MARCHF6: variants seen among roughly 807,000 people sequenced by gnomAD.
MARCHF6 encodes membrane associated ring-CH-type finger 6.
In MARCHF6, 31 loss-of-function variants were observed where a neutral mutation model predicts 133.7. That is an observed-to-expected ratio of 0.23 (90% CI 0.17 to 0.31). The LOEUF is 0.31. MARCHF6 is among the 10% of genes least tolerant of loss of function. The pLI is 1.00. For missense variants in MARCHF6, 723 were observed against 1,121.6 expected (o/e 0.64, Z 5.08); for synonymous variants, 395 against 402.5 (o/e 0.98, Z 0.22).
At chr5:10,357,272 G>C (rs2126632890) in intron 1 of MARCHF6, among the ~76,000 whole-genome samples, 1 of 147,594 alleles carries the variant, frequency 6.8e-6, no homozygotes, top group East Asian at 2.0e-4. Flanking sequence ...TGTTGCAAGT[G>C]TTGATGTGCA....
At chr5:10,394,335 G>A (rs1193670769) in intron 8 of MARCHF6, among the ~76,000 whole-genome samples, 192 bp downstream of exon 8, 1 of 151,894 alleles carries the variant, frequency 6.6e-6, no homozygotes, top group Admixed American at 6.6e-5. Flanking sequence ...GCTTTTTTTG[G>A]TCTTACAAAA....
At chr5:10,405,740 T>A in intron 16 of MARCHF6, 63 bp downstream of exon 16, 1 of 1,484,314 alleles carries the variant, frequency 6.7e-7, no homozygotes, top group Non-Finnish European at 9.0e-7. Context: ...TAGTTTTGTT[T>A]AGGTTTTTTT....
intron 4 of MARCHF6, among the ~76,000 whole-genome samples, chr5:10,383,924 A>G (rs1468262624): frequency 6.6e-6 from 1 of 152,192 alleles, no homozygotes; most frequent in East Asian, 1.9e-4. Context: ...GATGTTCTAG[A>G]TGTAGGTAGA....
At chr5:10,356,263 GC>G (rs1735452091) in intron 1 of MARCHF6, among the ~76,000 whole-genome samples, 1 of 150,726 alleles carries the variant, frequency 6.6e-6, no homozygotes. Flanking sequence ...TCAAAGTATG[GC>G]CAAACATAAA....
Position 10,377,370 on chromosome 5 carries a change from T to C in MARCHF6, c.20-428T>C, listed in dbSNP as rs147537575. On this transcript the variant is annotated intron_variant, in intron 1 of 25. Transcript: ENST00000274140. ...GCTTGTCTTCTAACTGCTGTTATTG[T>C]GGTGAGTCCTCACATGTGTTTTGTG... Among the ~76,000 whole-genome samples the C allele has an allele frequency of 2.4e-3, 373 of 152,326 alleles. 3 individuals carry two copies. Among genetic ancestry groups the C allele is most frequent in the African/African-American group, 8.4e-3 (351 of 41,576 alleles).
rs180920609 is a variant in MARCHF6, at chr5:10,379,029, G to C, written c.190+197G>C. 1.8e-4 allele frequency among the ~76,000 whole-genome samples: 27 copies of C among 152,014 alleles called. No individual in the cohort carries two copies. In the East Asian group the frequency reaches 1.9e-3, roughly 11 times the overall value. On this transcript the variant is annotated intron_variant, in intron 3 of 25. Transcript: ENST00000274140. ...AAAATATTTTGAAAAACTGTATGCT[G>C]TCTTTTATCACACACATGTTTGAGA...
intron 1 of MARCHF6, among the ~76,000 whole-genome samples, chr5:10,375,314 G>C (rs2126683170): frequency 6.6e-6 from 1 of 152,376 alleles, no homozygotes; most frequent in Admixed American, 6.5e-5. Context: ...AGCGGCTGCA[G>C]AGGGTGTACT....
intron 1 of MARCHF6, among the ~76,000 whole-genome samples, chr5:10,374,356 G>A (rs1219937098): frequency 3.3e-5 from 5 of 152,090 alleles, no homozygotes; most frequent in Admixed American, 1.3e-4. Context: ...ACGTGCTGCC[G>A]GGGTCCATTG....
At chr5:10,370,688 G>GT (rs1736417008) in intron 1 of MARCHF6, among the ~76,000 whole-genome samples, 1 of 146,792 alleles carries the variant, frequency 6.8e-6, no homozygotes, top group South Asian at 2.2e-4. Context: ...TTTTTTTTTA[G>GT]TTTTCTTACT....
chr5:10,434,521 A>T lies in MARCHF6; in HGVS notation c.*837A>T, dbSNP rs1740518193. On this transcript the variant is annotated 3_prime_UTR_variant, in exon 26 of 26. Transcript: ENST00000274140. ...CCCACACCCACATCCTCTCTTTTCC[A>T]CACACAACTATCTGTTTATTTTTTG... 1 of 114,614 alleles carries T rather than the reference A, an allele frequency of 8.7e-6. No individual in the cohort carries two copies. The highest frequency in any genetic ancestry group is 1.6e-5 in the Non-Finnish European group (1 of 61,920). 7.1% of individuals were successfully genotyped at this position (114,614 alleles called of 1,614,324 possible). A position where few individuals can be genotyped will look rare whatever the true frequency, so the allele number is the denominator to read the frequency against.
chr5:10,430,618 T>C (rs960459841), intron 25 of MARCHF6, among the ~76,000 whole-genome samples: 7 of 152,200 alleles, frequency 4.6e-5, no homozygotes, highest in African/African-American at 1.2e-4. Context: ...GATTTTTTAA[T>C]GTCCATTCCA....
At chr5:10,354,694 C>A (rs1368392861) in intron 1 of MARCHF6, 1 of 152,188 alleles carries the variant, frequency 6.6e-6, no homozygotes, top group Non-Finnish European at 1.5e-5. Context: ...TTTTAACCAG[C>A]TGTGTTTTTA....
Position 10,353,928 on chromosome 5 carries a change from G to T in MARCHF6, c.19+11G>T. 1 of 1,551,974 alleles carries T rather than the reference G, an allele frequency of 6.4e-7. No homozygotes were observed. Among genetic ancestry groups the T allele is most frequent in the African/African-American group, 1.4e-5 (1 of 72,268 alleles). ...ACACCGCGGAGGAAGGTAAGTCGGC[G>T]ACGCGCGGCGCCCGAGCCCTTGCGT... On this transcript the variant is annotated intron_variant, in intron 1 of 25. Transcript: ENST00000274140.
intron 22 of MARCHF6, among the ~76,000 whole-genome samples, chr5:10,420,701 A>C (rs1264913377): frequency 6.6e-6 from 1 of 152,180 alleles, no homozygotes; most frequent in Non-Finnish European, 1.5e-5. Context: ...CAAAAGCAAG[A>C]CCCTCTGCAA....
chr5:10,390,111 C>G (rs1034350699), intron 5 of MARCHF6, among the ~76,000 whole-genome samples: 1 of 151,880 alleles, frequency 6.6e-6, no homozygotes, highest in African/African-American at 2.4e-5. Context: ...ATACATAATA[C>G]AAGTATGTAA....
At chr5:10,389,121 A>C (rs897216781) in intron 5 of MARCHF6, among the ~76,000 whole-genome samples, 38 of 152,144 alleles carry the variant, frequency 2.5e-4, no homozygotes, top group African/African-American at 7.7e-4. Flanking sequence ...TGGAGGAAAA[A>C]AGTGATTCCA....
At position 10,419,398 on chromosome 5, in the gene MARCHF6, G is replaced by A. The variant is rs72740445; in HGVS notation, c.2283+1994G>A. Reference sequence around the variant, plus strand: ...ATAGGCTAATGTAAATGTTCCGAGCGCATTGTGATAGGCTGGGCTAAGCTA... The same window carrying A: ...ATAGGCTAATGTAAATGTTCCGAGCACATTGTGATAGGCTGGGCTAAGCTA... On this transcript the variant is annotated intron_variant, in intron 22 of 25. Transcript: ENST00000274140. Among the ~76,000 whole-genome samples, 63 of 152,280 alleles carry A rather than the reference G, an allele frequency of 4.1e-4. No individual in the cohort carries two copies. In the South Asian group the frequency reaches 7.5e-3, roughly 18 times the overall value.
At chr5:10,357,191 C>T (rs1411622379) in intron 1 of MARCHF6, among the ~76,000 whole-genome samples, 3 of 147,072 alleles carry the variant, frequency 2.0e-5, no homozygotes, top group Admixed American at 6.9e-5. Context: ...AGAGAAAAGT[C>T]TATCCTTTGG....
chr5:10,431,979 G>A (rs1307853740), intron 25 of MARCHF6, among the ~76,000 whole-genome samples: 2 of 152,062 alleles, frequency 1.3e-5, no homozygotes, highest in Non-Finnish European at 2.9e-5. Context: ...GGAACAGTGG[G>A]GTAAGGAATG....
Sources: allele counts gnomAD v4.1 joint callset (sites outside exome capture counted in the v4.1 genomes callset), GRCh38; gene constraint gnomAD v4.1.1; transcripts MANE v1.5; gene names NCBI Gene and HGNC (gene_info 2026-07-23, HGNC 2026-07-21).